CNTNAP2: variants seen among roughly 807,000 people sequenced by gnomAD.
CNTNAP2 encodes the protein contactin associated protein 2, also known as contactin-associated protein-like 2.
CNTNAP2 carries 98 observed loss-of-function variants against 155.2 expected under a neutral mutation model. The observed-to-expected ratio is 0.63, with a 90% CI of 0.54 to 0.75. The LOEUF (loss-of-function observed/expected upper bound fraction) is 0.75, where lower values mean the gene tolerates loss of function less well. Ranked by LOEUF, CNTNAP2 falls within the 30% of genes least tolerant of loss-of-function variation. The probability of loss-of-function intolerance (pLI) is 0.00; values close to 1 mark genes in which losing one functional copy is unlikely to be tolerated. For synonymous variants in CNTNAP2, 651 were observed against 631.2 expected, an observed-to-expected ratio of 1.03 and a Z score of -0.47; for missense variants, 1,727 against 1,688.1, an observed-to-expected ratio of 1.02 and a Z score of -0.40.
chr7:146,695,855 G>T (rs1455363836), intron 1 of CNTNAP2, among the ~76,000 whole-genome samples: 1 of 152,096 alleles, frequency 6.6e-6, no homozygotes, highest in Non-Finnish European at 1.5e-5. Context: ...TATTTATCAG[G>T]TTTTGAATTT....
At chr7:146,779,061 A>G (rs2129186739) in intron 2 of CNTNAP2, among the ~76,000 whole-genome samples, 1 of 152,324 alleles carries the variant, frequency 6.6e-6, no homozygotes, top group East Asian at 1.9e-4. Context: ...TGAAGACATG[A>G]GGCCAGGGTA....
intron 13 of CNTNAP2, among the ~76,000 whole-genome samples, chr7:147,808,416 T>A (rs1363728597): frequency 6.6e-6 from 1 of 152,210 alleles, no homozygotes; most frequent in Non-Finnish European, 1.5e-5. Flanking sequence ...CTTTGGCAAC[T>A]ATCTACTGCA....
chr7:146,816,855 A>T (rs1260198922), intron 2 of CNTNAP2, among the ~76,000 whole-genome samples: 1 of 152,228 alleles, frequency 6.6e-6, no homozygotes, highest in Admixed American at 6.5e-5. Flanking sequence ...TGTATAAAAC[A>T]TGTGCAATAG....
intron 13 of CNTNAP2, chr7:147,831,808 A>G (rs1016518750): frequency 6.6e-6 from 1 of 152,196 alleles, no homozygotes; most frequent in African/African-American, 2.4e-5. Flanking sequence ...CACTGGACCA[A>G]TACAGGGAAG....
chr7:146,775,686 AG>A (rs1802378313), intron 2 of CNTNAP2, among the ~76,000 whole-genome samples: 1 of 151,788 alleles, frequency 6.6e-6, no homozygotes, highest in Non-Finnish European at 1.5e-5. Context: ...AAGAAAATAA[AG>A]AGAGGGAGAA....
At chr7:147,136,840 A>T (rs1040238373) in intron 8 of CNTNAP2, among the ~76,000 whole-genome samples, 4 of 151,816 alleles carry the variant, frequency 2.6e-5, no homozygotes, top group East Asian at 1.9e-4. Context: ...TTTACTGAAA[A>T]TTTTTTTTCA....
At chr7:148,382,691 G>A (rs1799093555) in intron 21 of CNTNAP2, among the ~76,000 whole-genome samples, 1 of 152,194 alleles carries the variant, frequency 6.6e-6, no homozygotes, top group African/African-American at 2.4e-5. Flanking sequence ...AGTCGGCAGG[G>A]ACATGAGGGG....
intron 15 of CNTNAP2, among the ~76,000 whole-genome samples, chr7:148,114,710 T>G (rs1335234971): frequency 6.6e-6 from 1 of 152,228 alleles, no homozygotes; most frequent in African/African-American, 2.4e-5. Flanking sequence ...CCACACTCAC[T>G]GAAAGCCTGT....
chr7:146,300,850 A>G (rs550719090), intron 1 of CNTNAP2, among the ~76,000 whole-genome samples: 5 of 152,220 alleles, frequency 3.3e-5, no homozygotes, highest in Non-Finnish European at 5.9e-5. Context: ...ATTGATGTTA[A>G]CTCTCAGTTT....
chr7:147,072,029 T>G (rs1194860256), intron 4 of CNTNAP2, among the ~76,000 whole-genome samples: 1 of 152,162 alleles, frequency 6.6e-6, no homozygotes, highest in African/African-American at 2.4e-5. Context: ...GTACTCATCC[T>G]GGAGGATGGT....
At chr7:146,486,165 C>T (rs1797055391) in intron 1 of CNTNAP2, among the ~76,000 whole-genome samples, 1 of 143,114 alleles carries the variant, frequency 7.0e-6, no homozygotes, top group African/African-American at 2.6e-5. Flanking sequence ...CCCAGGTTCA[C>T]TCTATTCTCC....
intron 14 of CNTNAP2, among the ~76,000 whole-genome samples, chr7:147,956,742 G>A (rs567989795): frequency 6.6e-6 from 1 of 152,212 alleles, no homozygotes; most frequent in South Asian, 2.1e-4. Context: ...ATAGGTTTGG[G>A]GACAGGAAGA....
intron 1 of CNTNAP2, among the ~76,000 whole-genome samples, chr7:146,124,223 T>G (rs766378127): frequency 6.6e-6 from 1 of 152,160 alleles, no homozygotes; most frequent in Non-Finnish European, 1.5e-5. Context: ...GTTCTGCACA[T>G]GTATCCCAGA....
chr7:146,972,467 G>A, intron 3 of CNTNAP2, among the ~76,000 whole-genome samples: 1 of 152,000 alleles, frequency 6.6e-6, no homozygotes, highest in Non-Finnish European at 1.5e-5. Flanking sequence ...TGTACAGAAT[G>A]GAATACATAG....
At chr7:147,225,784 AAGGAAGGAAGGAAG>A (rs1803512081) in intron 8 of CNTNAP2, among the ~76,000 whole-genome samples, 1 of 128,842 alleles carries the variant, frequency 7.8e-6, no homozygotes, top group African/African-American at 2.9e-5. Context: ...GGAAGGAAGG[AAGGAAGGAAGGAAG>A]GAAAGAAAGA....
At chr7:146,278,551 G>C (rs543733596) in intron 1 of CNTNAP2, among the ~76,000 whole-genome samples, 2 of 152,308 alleles carry the variant, frequency 1.3e-5, no homozygotes, top group South Asian at 4.1e-4. Context: ...CCCTTTGGTT[G>C]TAAGTAAATG....
intron 15 of CNTNAP2, among the ~76,000 whole-genome samples, chr7:148,113,780 C>T (rs1804405742): frequency 6.6e-6 from 1 of 152,174 alleles, no homozygotes; most frequent in Admixed American, 6.5e-5. Context: ...GACTCACTTC[C>T]AAGCTGCAGA....
At chr7:147,755,192 A>T (rs986605206) in intron 13 of CNTNAP2, among the ~76,000 whole-genome samples, 1 of 152,224 alleles carries the variant, frequency 6.6e-6, no homozygotes, top group Non-Finnish European at 1.5e-5. Flanking sequence ...AAGAAGTGTC[A>T]GGGAGACTTT....
intron 11 of CNTNAP2, among the ~76,000 whole-genome samples, chr7:147,549,427 T>G (rs1255022342): frequency 6.6e-6 from 1 of 152,218 alleles, no homozygotes; most frequent in Non-Finnish European, 1.5e-5. Context: ...AAAGGAATTC[T>G]TGTGATTTTT....
Sources: gnomAD v4.1 joint callset for allele counts (sites outside exome capture counted in the v4.1 genomes callset) on GRCh38, gnomAD v4.1.1 for gene constraint, MANE v1.5 for transcripts, NCBI Gene and HGNC (gene_info 2026-07-23, HGNC 2026-07-21) for gene names.